Variants in BAG4 observed in about 807,000 individuals in gnomAD.
BAG4 encodes BAG family molecular chaperone regulator 4.
In BAG4, 28 loss-of-function variants were observed where a neutral mutation model predicts 52.1. That is an observed-to-expected ratio of 0.54 (90% CI 0.40 to 0.74). BAG4 has a LOEUF of 0.74. Ranked by LOEUF, BAG4 falls within the 30% of genes least tolerant of loss-of-function variation. The pLI is 0.00. For synonymous variants in BAG4, 208 were observed against 217.0 expected (o/e 0.96, Z 0.37); for missense variants, 525 against 572.0 (o/e 0.92, Z 0.84).
intron 1 of BAG4, among the ~76,000 whole-genome samples, chr8:38,180,522 CAAAAAA>C (rs1161178024): frequency 5.7e-4 from 15 of 26,500 alleles, no homozygotes; most frequent in East Asian, 1.1e-3. Context: ...GACTCCGTCT[CAAAAAA>C]AAAAAAAAAA....
At position 38,192,794 on chromosome 8, in the gene BAG4, AGGTAT is replaced by A. The variant is rs781070125; in HGVS notation, c.378+3_378+7del. On this transcript the variant is annotated splice_donor_variant and splice_donor_region_variant and coding_sequence_variant and intron_variant, in exon 2 of 5. Coordinates refer to ENST00000287322, the MANE Select transcript of BAG4 (RefSeq NM_004874.4). LOFTEE classifies it high-confidence loss of function. ...CCTGTAAGACCAGAATTGCAAGGCC[AGGTAT>A]GGTTTAAAAACAGAGACTTTCTGAA... is the stretch of plus-strand genomic sequence containing the variant. 1 of 1,584,484 alleles carries A rather than the reference AGGTAT, an allele frequency of 6.3e-7. No individual in the cohort carries two copies. Among genetic ancestry groups the A allele is most frequent in the Admixed American group, 1.9e-5 (1 of 53,464 alleles).
At chr8:38,200,482 CTCTT>C (rs1323622746) in intron 2 of BAG4, among the ~76,000 whole-genome samples, 1 of 152,188 alleles carries the variant, frequency 6.6e-6, no homozygotes, top group Non-Finnish European at 1.5e-5. Flanking sequence ...GACTCTCTCT[CTCTT>C]TTTTCTTTTT....
chr8:38,192,772 G>A lies in BAG4; in HGVS notation c.355G>A (p.Val119Ile). 6.2e-7 allele frequency: 1 copy of A among 1,609,742 alleles called. No homozygotes were observed. The highest frequency in any genetic ancestry group is 1.1e-5 in the South Asian group (1 of 90,192). ...GGCTCCTTACCCAAGTACATATCCT[G>A]TAAGACCAGAATTGCAAGGCCAGGT... is the stretch of plus-strand genomic sequence containing the variant. The part of the protein sequence containing the change: ...SRAPYPSTYP[V>I]RPELQGQSLN... Residue 119 changes from valine (V) to isoleucine (I), a missense_variant, in exon 2 of 5, where the codon GTA (valine) becomes ATA (isoleucine). Coordinates refer to ENST00000287322, the MANE Select transcript of BAG4 (RefSeq NM_004874.4).
At chr8:38,186,581 A>C (rs914691847) in intron 1 of BAG4, among the ~76,000 whole-genome samples, 5 of 152,192 alleles carry the variant, frequency 3.3e-5, no homozygotes, top group Admixed American at 1.3e-4. Context: ...GCTGGAGAGA[A>C]CCAGGAAAAG....
chr8:38,188,588 C>CAT lies in BAG4; in HGVS notation c.271-4091_271-4090dup, dbSNP rs548979998. Among the ~76,000 whole-genome samples, 825 of 149,564 alleles carry CAT rather than the reference C, an allele frequency of 5.5e-3. 2 individuals are homozygous for CAT. Among genetic ancestry groups the CAT allele is most frequent in the Non-Finnish European group, 9.2e-3 (620 of 67,526 alleles). Reference sequence around the variant, plus strand: ...AAATACATATATATACGTGTATACACATATATATATGCATGTATACATATA... The same window carrying CAT: ...AAATACATATATATACGTGTATACACATATATATATATGCATGTATACATATA... On this transcript the variant is annotated intron_variant, in intron 1 of 4. Transcript: ENST00000287322.
Position 38,192,756 on chromosome 8 carries a change from C to A in BAG4, c.339C>A (p.Tyr113Ter). The change falls in exon 2 of 5, where the codon TAC becomes TAA. Residue 113 changes from tyrosine (Y) to a stop codon, truncating the protein, a stop_gained. Transcript: ENST00000287322. LOFTEE classifies it high-confidence loss of function. ...CTACTGCGAGATCTAGGGCTCCTTA[C>A]CCAAGTACATATCCTGTAAGACCAG... is the stretch of plus-strand genomic sequence containing the variant. ...WNSTARSRAP[Y>*]PSTYPVRPEL... 6.2e-7 allele frequency: 1 copy of A among 1,613,386 alleles called. No individual in the cohort carries two copies. Among genetic ancestry groups the A allele is most frequent in the Non-Finnish European group, 8.5e-7 (1 of 1,179,684 alleles).
rs561749941 is a variant in BAG4 at position 38,213,162 on chromosome 8, A to G, written c.*2669A>G. 1.3e-4 allele frequency: 20 copies of G among 152,352 alleles called. No individual in the cohort carries two copies. Among genetic ancestry groups the G allele is most frequent in the African/African-American group, 4.6e-4 (19 of 41,592 alleles). 9.4% of individuals were successfully genotyped at this position (152,352 alleles called of 1,614,324 possible). On this transcript the variant is annotated 3_prime_UTR_variant, in exon 5 of 5. Coordinates refer to ENST00000287322, the MANE Select transcript of BAG4 (RefSeq NM_004874.4). ...TAGAATTGGTTCAACTTTTGACTTA[A>G]TACTGACTTTGGACTGAATTCAAAG...
chr8:38,206,630 A>G (rs1291573778), intron 2 of BAG4, among the ~76,000 whole-genome samples: 2 of 152,136 alleles, frequency 1.3e-5, no homozygotes, highest in Non-Finnish European at 2.9e-5. Flanking sequence ...AACCTTTTAT[A>G]TATGTCATCT....
intron 2 of BAG4, among the ~76,000 whole-genome samples, chr8:38,202,438 G>A (rs993836719): frequency 7.9e-5 from 12 of 151,926 alleles, no homozygotes; most frequent in Non-Finnish European, 2.9e-5. Context: ...GCTAATTTTT[G>A]TATTTTTTGT....
At chr8:38,177,750 C>T (rs1803189582) in intron 1 of BAG4, among the ~76,000 whole-genome samples, 1 of 152,064 alleles carries the variant, frequency 6.6e-6, no homozygotes, top group Non-Finnish European at 1.5e-5. Flanking sequence ...AATAAGGAAC[C>T]GGGGCTCTGC....
intron 2 of BAG4, chr8:38,201,843 TATA>T (rs1803667641): frequency 1.2e-4 from 1 of 8,262 alleles, no homozygotes; most frequent in Non-Finnish European, 2.2e-4. Flanking sequence ...TTTATATATA[TATA>T]TATATATATA....
In BAG4 at chr8:38,207,582, C is replaced by T. The variant is rs766778888; in HGVS notation, c.449C>T (p.Ser150Leu). Residue 150 changes from serine to leucine, a missense_variant, in exon 3 of 5, where the codon TCA becomes TTA. Transcript: ENST00000287322. Reference sequence around the variant, plus strand: ...CCAGGCCCTGGGGCAAATACTGCCTCATACTCAGGGGCTTATTATGCACCT... The same window carrying T: ...CCAGGCCCTGGGGCAAATACTGCCTTATACTCAGGGGCTTATTATGCACCT... ...YPPGPGANTASYSGAYYAPGY... is the reference protein window; with the variant it reads ...YPPGPGANTALYSGAYYAPGY... 33 of 1,613,804 alleles carry T rather than the reference C, an allele frequency of 2.0e-5. No individual in the cohort carries two copies. In the Admixed American group the frequency reaches 2.7e-4, roughly 13 times the overall value.
intron 1 of BAG4, 32 bp downstream of exon 1, chr8:38,177,171 G>A: frequency 1.2e-6 from 2 of 1,605,098 alleles, no homozygotes; most frequent in Non-Finnish European, 1.7e-6. Context: ...CTTGCGGGGA[G>A]GTGAGGGCCC....
chr8:38,196,975 G>A (rs1803572882), intron 2 of BAG4, among the ~76,000 whole-genome samples: 1 of 152,046 alleles, frequency 6.6e-6, no homozygotes, highest in African/African-American at 2.4e-5. Flanking sequence ...TACTTGGGAG[G>A]CTGAGGCAGG....
At chr8:38,192,045 TAGCACAGAGTAGAATATGAAAAACTAGG>T (rs1803484301) in intron 1 of BAG4, among the ~76,000 whole-genome samples, 1 of 152,192 alleles carries the variant, frequency 6.6e-6, no homozygotes, top group African/African-American at 2.4e-5. Flanking sequence ...AGCTTAGCCA[TAGCACAGAGTAGAATATGAAAAACTAGG>T]GTGTGTCAAG....
chr8:38,203,589 T>C (rs1803720172), intron 2 of BAG4, among the ~76,000 whole-genome samples: 1 of 152,092 alleles, frequency 6.6e-6, no homozygotes, highest in Non-Finnish European at 1.5e-5. Context: ...GGTTGAGGAA[T>C]TTTTTGTGAT....
chr8:38,193,564 T>TTTTA (rs558845136), intron 2 of BAG4, among the ~76,000 whole-genome samples: 1 of 151,900 alleles, frequency 6.6e-6, no homozygotes, highest in African/African-American at 2.4e-5. Context: ...TTTACTGAAA[T>TTTTA]TTTATTTATT....
rs1803867977 is a variant in BAG4, at chr8:38,211,384, T to TC, written c.*895dup. On this transcript the variant is annotated 3_prime_UTR_variant, in exon 5 of 5. Coordinates refer to ENST00000287322, the MANE Select transcript of BAG4 (RefSeq NM_004874.4). ...TGTTTTTTCCTGTTTTTTTTTTTTT[T>TC]CCCCAAAGTGTAGTTATGTTTTCAC... The TC allele has an allele frequency of 6.6e-6, 1 of 151,088 alleles. No homozygotes were observed. 9.4% of individuals were successfully genotyped at this position (151,088 alleles called of 1,614,324 possible). A position where few individuals can be genotyped will look rare whatever the true frequency, so the allele number is the denominator to read the frequency against.
chr8:38,195,402 C>T (rs971013325), intron 2 of BAG4, among the ~76,000 whole-genome samples: 1 of 152,146 alleles, frequency 6.6e-6, no homozygotes, highest in Non-Finnish European at 1.5e-5. Context: ...GATCCTCCCA[C>T]TTCAGCCTCC....
Sources: gnomAD v4.1 joint callset for allele counts (sites outside exome capture counted in the v4.1 genomes callset) on GRCh38, gnomAD v4.1.1 for gene constraint, MANE v1.5 for transcripts, NCBI Gene and HGNC (gene_info 2026-07-23, HGNC 2026-07-21) for gene names.